The following SLC17A4 variants were observed in gnomAD, a reference collection of about 807,000 sequenced individuals.
SLC17A4 encodes the protein probable small intestine urate exporter.
Under a neutral mutation model 52.5 loss-of-function variants are expected in SLC17A4, and 33 were observed. That is an observed-to-expected ratio of 0.63 (90% CI 0.48 to 0.84). The LOEUF (loss-of-function observed/expected upper bound fraction) is 0.84, where lower values mean the gene tolerates loss of function less well. Ranked by LOEUF, SLC17A4 falls within the 40% of genes least tolerant of loss-of-function variation. The pLI is 0.00. For synonymous variants in SLC17A4, 225 were observed against 216.2 expected (o/e 1.04, Z -0.36); for missense variants, 585 against 597.1 (o/e 0.98, Z 0.21).
chr6:25,767,317 C>G (rs1582685572), intron 2 of SLC17A4, among the ~76,000 whole-genome samples: 1 of 151,928 alleles, frequency 6.6e-6, no homozygotes, highest in African/African-American at 2.4e-5. Flanking sequence ...TTTGTAATAG[C>G]CTATTAAGAA....
Position 25,770,315 on chromosome 6 carries a change from T to C in SLC17A4, c.531+15T>C, listed in dbSNP as rs779936950. 1.1e-4 allele frequency: 179 copies of C among 1,614,028 alleles called. 3 individuals are homozygous for C. The Admixed American group carries it at 3.0e-3, about 27-fold the overall frequency. ...GCATAGCCCAGGTACCAAGATGTTT[T>C]CCAGGTATAAGTGGAATATAGGTTC... is the stretch of plus-strand genomic sequence containing the variant. On this transcript the variant is annotated intron_variant, in intron 4 of 11. Coordinates refer to ENST00000377905, the MANE Select transcript of SLC17A4 (RefSeq NM_005495.3).
intron 2 of SLC17A4, among the ~76,000 whole-genome samples, chr6:25,764,696 G>T (rs942789833): frequency 1.3e-5 from 2 of 152,180 alleles, no homozygotes; most frequent in African/African-American, 4.8e-5. Context: ...AAGCTGGGCA[G>T]ACCACAGACC....
At chr6:25,766,247 T>C (rs890266746) in intron 2 of SLC17A4, among the ~76,000 whole-genome samples, 2 of 151,456 alleles carry the variant, frequency 1.3e-5, no homozygotes, top group East Asian at 1.9e-4. Context: ...AACTAAGAAA[T>C]GAAGAAAATT....
chr6:25,769,117 A>G lies in SLC17A4; in HGVS notation c.224A>G (p.Asn75Ser), dbSNP rs531810714. ...AACACAGCCCCACCTAGCCAGCCCA[A>G]TGCTTCCACAGAACGGCCCTCCACT... Reference protein sequence around the residue: ...VNNTAPPSQPNASTERPSTDS... With the variant: ...VNNTAPPSQPSASTERPSTDS... Residue 75 changes from asparagine (N) to serine (S), a missense_variant, in exon 3 of 12, where the codon AAT becomes AGT. Transcript: ENST00000377905. 5.0e-6 allele frequency: 8 copies of G among 1,614,070 alleles called. No homozygotes were observed. The East Asian group carries it at 1.6e-4, about 31-fold the overall frequency.
At chr6:25,760,534 C>T (rs1258672152) in intron 1 of SLC17A4, among the ~76,000 whole-genome samples, 1 of 152,104 alleles carries the variant, frequency 6.6e-6, no homozygotes, top group African/African-American at 2.4e-5. Context: ...TGAAAAATTC[C>T]TATCCGTTAT....
At position 25,770,074 on chromosome 6, in the gene SLC17A4, C is replaced by A. The variant is rs1185223327; in HGVS notation, c.305C>A (p.Ala102Glu). 1 of 1,613,620 alleles carries A rather than the reference C, an allele frequency of 6.2e-7. No homozygotes were observed. The highest frequency in any genetic ancestry group is 2.2e-5 in the East Asian group (1 of 44,880). ...ACTCTCTTTGTCATCTAGGCCCCTGCATATGACTGGAGTCCTGAAATCCAG... is the reference window on the plus strand; with the variant it reads ...ACTCTCTTTGTCATCTAGGCCCCTGAATATGACTGGAGTCCTGAAATCCAG... ...TLKEFKAMAPAYDWSPEIQGI... is the reference protein window; with the variant it reads ...TLKEFKAMAPEYDWSPEIQGI... The change falls in exon 4 of 12, where the codon GCA becomes GAA. Residue 102 changes from alanine to glutamate, a missense_variant. Ala to Glu is a moderately radical substitution (Grantham distance 107, BLOSUM62 -1). Coordinates refer to ENST00000377905, the MANE Select transcript of SLC17A4 (RefSeq NM_005495.3).
At chr6:25,761,430 A>T (rs1048728923) in intron 1 of SLC17A4, among the ~76,000 whole-genome samples, 2 of 152,148 alleles carry the variant, frequency 1.3e-5, no homozygotes, top group African/African-American at 2.4e-5. Flanking sequence ...ACCCAATCTC[A>T]TGGTCACTGA....
intron 3 of SLC17A4, among the ~76,000 whole-genome samples, chr6:25,769,527 C>G (rs1005728172): frequency 6.7e-6 from 1 of 150,090 alleles, no homozygotes; most frequent in Non-Finnish European, 1.5e-5. Context: ...CACTGCACTC[C>G]GGTCTGGGTG....
At chr6:25,775,209 G>A (rs901537008) in intron 8 of SLC17A4, among the ~76,000 whole-genome samples, 2 of 151,902 alleles carry the variant, frequency 1.3e-5, no homozygotes, top group African/African-American at 2.4e-5. Context: ...GCATCTGCCT[G>A]TAGTCCCAGC....
At chr6:25,765,458 G>C (rs963970326) in intron 2 of SLC17A4, among the ~76,000 whole-genome samples, 2 of 152,242 alleles carry the variant, frequency 1.3e-5, no homozygotes, top group Non-Finnish European at 2.9e-5. Context: ...TAAACCAGCT[G>C]TTGTTAGCTT....
rs77341667 is a variant in SLC17A4, at chr6:25,781,031, C to A, written c.*1843C>A. ...GTGAGACCTGGGCTCCATTTACAAA[C>A]GTATAAATCATCTTGATATAGGTAG... On this transcript the variant is annotated 3_prime_UTR_variant, in exon 12 of 12. Transcript: ENST00000377905. The A allele has an allele frequency of 6.6e-6, 1 of 151,972 alleles. No individual in the cohort carries two copies. Among genetic ancestry groups the A allele is most frequent in the Non-Finnish European group, 1.5e-5 (1 of 68,020 alleles). The allele number at this position is 151,972 out of a possible 1,614,324, so 9.4% of individuals were successfully genotyped here.
intron 11 of SLC17A4, 30 bp downstream of exon 11, chr6:25,778,046 T>TGATGAATATTC: frequency 2.3e-5 from 36 of 1,573,382 alleles, no homozygotes; most frequent in Non-Finnish European, 2.7e-5. Flanking sequence ...TGAATATTCA[T>TGATGAATATTC]AAAAGAAACC....
chr6:25,776,616 C>A lies in SLC17A4; in HGVS notation c.1009C>A (p.Pro337Thr). The change falls in exon 9 of 12, where the codon CCG becomes ACG. Residue 337 changes from proline to threonine, a missense_variant. Pro to Thr is a conservative substitution (Grantham distance 38). Coordinates refer to ENST00000377905, the MANE Select transcript of SLC17A4 (RefSeq NM_005495.3). ...TCAGAGTGGGATCCTGTCTGCCTTG[C>A]CGTTTGTTGTTGGATGTATCTGCAT... is the stretch of plus-strand genomic sequence containing the variant. ...LRDSGILSAL[P>T]FVVGCICIIL... 1 of 1,610,148 alleles carries A rather than the reference C, an allele frequency of 6.2e-7. No individual in the cohort carries two copies. The highest frequency in any genetic ancestry group is 8.5e-7 in the Non-Finnish European group (1 of 1,177,830).
intron 2 of SLC17A4, 57 bp from the exon 3 acceptor site, chr6:25,768,928 A>G: frequency 1.4e-6 from 2 of 1,476,024 alleles, no homozygotes; most frequent in Admixed American, 3.4e-5. Flanking sequence ...TTCCAGACTT[A>G]GGGAGAGTGG....
chr6:25,778,983 C>A (rs139548458), intron 11 of SLC17A4, 71 bp from the exon 12 acceptor site: 3 of 1,585,310 alleles, frequency 1.9e-6, no homozygotes, highest in Admixed American at 3.4e-5. Context: ...GGACACAGAG[C>A]CAAAGCCTTT....
chr6:25,756,800 C>T (rs993943684), intron 1 of SLC17A4, among the ~76,000 whole-genome samples: 1 of 152,120 alleles, frequency 6.6e-6, no homozygotes, highest in Non-Finnish European at 1.5e-5. Context: ...TTTACTGAAT[C>T]AATGAATGAA....
At chr6:25,769,810 G>A (rs1315672051) in intron 3 of SLC17A4, among the ~76,000 whole-genome samples, 1 of 151,486 alleles carries the variant, frequency 6.6e-6, no homozygotes, top group African/African-American at 2.4e-5. Flanking sequence ...TGCTTATGAT[G>A]CTTTCTTCTT....
At chr6:25,766,648 G>A (rs1306949969) in intron 2 of SLC17A4, among the ~76,000 whole-genome samples, 1 of 152,164 alleles carries the variant, frequency 6.6e-6, no homozygotes, top group Non-Finnish European at 1.5e-5. Context: ...TGATGAGAAT[G>A]AGTTTACCTC....
At chr6:25,766,637 G>GT (rs911613435) in intron 2 of SLC17A4, among the ~76,000 whole-genome samples, 4 of 152,168 alleles carry the variant, frequency 2.6e-5, no homozygotes, top group Non-Finnish European at 5.9e-5. Flanking sequence ...TTAATATGAT[G>GT]TGATGAGAAT....
Sources: gnomAD v4.1 joint callset for allele counts (sites outside exome capture counted in the v4.1 genomes callset) on GRCh38, gnomAD v4.1.1 for gene constraint, MANE v1.5 for transcripts, NCBI Gene and HGNC (gene_info 2026-07-23, HGNC 2026-07-21) for gene names.